The following PDZRN4 variants were observed in gnomAD, a reference collection of about 807,000 sequenced individuals.
PDZRN4 encodes PDZ domain containing ring finger 4, also known as PDZ domain-containing RING finger protein 4.
In PDZRN4, 70 loss-of-function variants were observed where a neutral mutation model predicts 99.0. The ratio of observed to expected loss-of-function variants is 0.71; its 90% CI spans 0.58 to 0.86. The LOEUF (loss-of-function observed/expected upper bound fraction) is 0.86, where lower values mean the gene tolerates loss of function less well. PDZRN4 is among the 40% of genes least tolerant of loss of function. The pLI is 0.00. For synonymous variants in PDZRN4, 551 were observed against 501.6 expected (o/e 1.10, Z -1.32); for missense variants, 1,474 against 1,331.2 (o/e 1.11, Z -1.67).
intron 7 of PDZRN4, 70 bp downstream of exon 7, chr12:41,555,830 G>A: frequency 8.1e-7 from 1 of 1,235,328 alleles, no homozygotes; most frequent in Non-Finnish European, 1.2e-6. Context: ...TTTGTTTCTT[G>A]TAAACTGTTG....
chr12:41,392,906 T>C (rs144013986), intron 3 of PDZRN4, among the ~76,000 whole-genome samples: 13 of 152,220 alleles, frequency 8.5e-5, no homozygotes, highest in Non-Finnish European at 1.3e-4. Context: ...ATCAAAGCAA[T>C]GCTCTTAGCC....
chr12:41,345,756 T>C (rs1340696968), intron 3 of PDZRN4, among the ~76,000 whole-genome samples: 1 of 152,182 alleles, frequency 6.6e-6, no homozygotes, highest in African/African-American at 2.4e-5. Context: ...AATTTTTGTA[T>C]TGGAATTTTT....
intron 3 of PDZRN4, among the ~76,000 whole-genome samples, chr12:41,232,152 A>T (rs563000580): frequency 5.0e-4 from 76 of 152,164 alleles, no homozygotes; most frequent in African/African-American, 1.6e-3. Flanking sequence ...TTATAAATCA[A>T]TTACGGAACT....
In PDZRN4 at chr12:41,515,864, C is replaced by T. The variant is rs149351051; in HGVS notation, c.1203+5951C>T. Among the ~76,000 whole-genome samples, 890 of 151,986 alleles carry T rather than the reference C, an allele frequency of 5.9e-3. 8 individuals carry two copies. Among genetic ancestry groups the T allele is most frequent in the African/African-American group, 0.02 (834 of 41,500 alleles). On this transcript the variant is annotated intron_variant, in intron 5 of 9. Coordinates refer to ENST00000402685, the MANE Select transcript of PDZRN4 (RefSeq NM_001164595.2). The stretch of plus-strand genomic sequence containing the variant: ...CTCATTGGTTTACTCCTTTGTTTAT[C>T]ATCTTGTATGACTCTGTTCCTTGAA...
chr12:41,272,937 T>C (rs973007916), intron 3 of PDZRN4, among the ~76,000 whole-genome samples: 10 of 152,152 alleles, frequency 6.6e-5, no homozygotes, highest in Admixed American at 1.3e-4. Context: ...AGAAGTCACA[T>C]TGAAGTCCTA....
intron 3 of PDZRN4, among the ~76,000 whole-genome samples, chr12:41,393,656 A>G (rs1050444575): frequency 1.3e-5 from 2 of 152,190 alleles, no homozygotes; most frequent in Non-Finnish European, 2.9e-5. Context: ...ATTATGTCTC[A>G]TGATTTTGTG....
chr12:41,550,393 C>T (rs906902378), intron 5 of PDZRN4, among the ~76,000 whole-genome samples: 1 of 152,112 alleles, frequency 6.6e-6, no homozygotes, highest in African/African-American at 2.4e-5. Context: ...AGATACTCCT[C>T]AACTACATAC....
chr12:41,547,742 G>A (rs1002501251), intron 5 of PDZRN4, among the ~76,000 whole-genome samples: 24 of 152,188 alleles, frequency 1.6e-4, no homozygotes, highest in African/African-American at 4.6e-4. Context: ...ACTGTTGTTT[G>A]CCAGCATCAT....
intron 5 of PDZRN4, among the ~76,000 whole-genome samples, chr12:41,512,450 A>T (rs1334744531): frequency 1.3e-5 from 2 of 152,066 alleles, no homozygotes; most frequent in African/African-American, 2.4e-5. Flanking sequence ...TAGCCATGTG[A>T]AAGGAGATTT....
At chr12:41,420,837 T>C (rs1218234748) in intron 3 of PDZRN4, among the ~76,000 whole-genome samples, 2 of 152,188 alleles carry the variant, frequency 1.3e-5, no homozygotes, top group Non-Finnish European at 1.5e-5. Context: ...TATTATTATC[T>C]TTGACATCTC....
intron 3 of PDZRN4, among the ~76,000 whole-genome samples, chr12:41,198,448 T>C (rs1950792672): frequency 6.6e-6 from 1 of 152,070 alleles, no homozygotes; most frequent in Non-Finnish European, 1.5e-5. Context: ...TTGAGATGAA[T>C]AGCTCAGAGC....
intron 3 of PDZRN4, among the ~76,000 whole-genome samples, chr12:41,397,927 C>T (rs932381368): frequency 7.2e-5 from 11 of 151,908 alleles, no homozygotes; most frequent in Admixed American, 5.9e-4. Flanking sequence ...AGAGAGGTAA[C>T]ATGGTTTAAA....
intron 3 of PDZRN4, among the ~76,000 whole-genome samples, chr12:41,374,650 G>A (rs1253874355): frequency 6.6e-6 from 1 of 152,166 alleles, no homozygotes; most frequent in African/African-American, 2.4e-5. Context: ...AATTAAGCAT[G>A]AATGGAGGGG....
intron 3 of PDZRN4, among the ~76,000 whole-genome samples, chr12:41,373,168 CA>C (rs1387704108): frequency 6.6e-6 from 1 of 151,976 alleles, no homozygotes; most frequent in Admixed American, 6.6e-5. Context: ...TATCACAAGG[CA>C]AACGGAGGCA....
chr12:41,297,083 G>A (rs1421090566), intron 3 of PDZRN4, among the ~76,000 whole-genome samples: 2 of 152,152 alleles, frequency 1.3e-5, no homozygotes, highest in South Asian at 2.1e-4. Flanking sequence ...TGAACTAAAC[G>A]GCTGGTAACA....
At chr12:41,428,976 G>A (rs185809038) in intron 3 of PDZRN4, among the ~76,000 whole-genome samples, 7 of 152,310 alleles carry the variant, frequency 4.6e-5, no homozygotes, top group African/African-American at 1.7e-4. Flanking sequence ...CCTGAGAATA[G>A]TCAGGCCATT....
Position 41,356,974 on chromosome 12 carries a change from G to T in PDZRN4, c.844-149482G>T, listed in dbSNP as rs999599517. 2.6e-5 allele frequency among the ~76,000 whole-genome samples: 4 copies of T among 151,936 alleles called. No individual in the cohort carries two copies. In the East Asian group the frequency reaches 5.8e-4, roughly 22 times the overall value. The stretch of plus-strand genomic sequence containing the variant: ...CCACAGTTTACCTCAGGGAATCAGG[G>T]TTAGAACTCATAAACTCTCAAGCTG... On this transcript the variant is annotated intron_variant, in intron 3 of 9. Coordinates refer to ENST00000402685, the MANE Select transcript of PDZRN4 (RefSeq NM_001164595.2).
intron 3 of PDZRN4, among the ~76,000 whole-genome samples, chr12:41,227,071 T>C (rs1950999882): frequency 6.6e-6 from 1 of 152,144 alleles, no homozygotes; most frequent in Non-Finnish European, 1.5e-5. Context: ...TTCAAAACTA[T>C]AGAAAAATAC....
At chr12:41,520,840 G>T (rs1014260455) in intron 5 of PDZRN4, among the ~76,000 whole-genome samples, 1 of 152,090 alleles carries the variant, frequency 6.6e-6, no homozygotes, top group Non-Finnish European at 1.5e-5. Context: ...ATCTACGCCT[G>T]TAGTCATCAT....
Sources: gnomAD v4.1 joint callset for allele counts (sites outside exome capture counted in the v4.1 genomes callset) on GRCh38, gnomAD v4.1.1 for gene constraint, MANE v1.5 for transcripts, NCBI Gene and HGNC (gene_info 2026-07-23, HGNC 2026-07-21) for gene names.